Variants in RNF121 observed in about 807,000 individuals in gnomAD.
RNF121 encodes ring finger protein 121.
Under a neutral mutation model 46.5 loss-of-function variants are expected in RNF121, and 21 were observed. The ratio of observed to expected loss-of-function variants is 0.45; its 90% CI spans 0.32 to 0.65. The LOEUF (loss-of-function observed/expected upper bound fraction) is 0.65. RNF121 is among the 30% of genes least tolerant of loss of function. The pLI is 0.04. For missense variants in RNF121, 346 were observed against 416.0 expected (o/e 0.83, Z 1.46); for synonymous variants, 139 against 144.7 (o/e 0.96, Z 0.28).
chr11:71,993,476 T>TTGACTC (rs56168103), intron 6 of RNF121, among the ~76,000 whole-genome samples: 1 of 151,784 alleles, frequency 6.6e-6, no homozygotes, highest in Non-Finnish European at 1.5e-5. Flanking sequence ...ATTTGTCCCT[T>TTGACTC]TGGCTTTTTT....
intron 5 of RNF121, among the ~76,000 whole-genome samples, chr11:71,988,378 C>T (rs546300530): frequency 2.0e-5 from 3 of 152,198 alleles, no homozygotes; most frequent in East Asian, 3.9e-4. Context: ...CCTAAGCCTA[C>T]GACAGTGCAC....
chr11:71,947,054 C>T (rs1304777971), intron 1 of RNF121, among the ~76,000 whole-genome samples: 6 of 151,778 alleles, frequency 4.0e-5, no homozygotes, highest in South Asian at 2.1e-4. Context: ...TAAGTAGAGA[C>T]GGGGTTTCAC....
Position 71,996,266 on chromosome 11 carries a change from T to G in RNF121, c.935T>G (p.Val312Gly). 6.2e-7 allele frequency: 1 copy of G among 1,614,150 alleles called. No individual in the cohort carries two copies. Among genetic ancestry groups the G allele is most frequent in the Non-Finnish European group, 8.5e-7 (1 of 1,180,024 alleles). ...CGATACTTGGTAGCCTGGCAGCCTG[T>G]CATCATTGGTGTAGTCCAAGGCATC... is the stretch of plus-strand genomic sequence containing the variant. ...WLRYLVAWQP[V>G]IIGVVQGINY... Residue 312 changes from valine to glycine, a missense_variant, in exon 9 of 9, where the codon GTC becomes GGC. Physicochemically the swap from Val to Gly is moderately radical, Grantham distance 109. Around this residue, in one of 2 missense-constraint regions of RNF121, gnomAD observed 286 missense variants for 383.8 expected, o/e 0.75. Transcript: ENST00000361756.
At chr11:71,962,812 T>G (rs899896222) in intron 3 of RNF121, among the ~76,000 whole-genome samples, 30 of 152,248 alleles carry the variant, frequency 2.0e-4, no homozygotes, top group African/African-American at 7.0e-4. Context: ...TTCCATTCTG[T>G]CCTAACGTGG....
At chr11:71,988,804 A>G (rs553524510) in intron 5 of RNF121, among the ~76,000 whole-genome samples, 1 of 152,238 alleles carries the variant, frequency 6.6e-6, no homozygotes, top group East Asian at 1.9e-4. Flanking sequence ...CTCAGGTGAC[A>G]AAGGGAGACC....
At position 71,945,832 on chromosome 11, in the gene RNF121, G is replaced by A. The variant is rs575616185; in HGVS notation, c.64-11395G>A. Reference sequence around the variant, plus strand: ...TAACCTAGTAAAAAATGGGCAAAAGGCCAGGCCCAGTAGCTTACACCTGTA... The same window carrying A: ...TAACCTAGTAAAAAATGGGCAAAAGACCAGGCCCAGTAGCTTACACCTGTA... On this transcript the variant is annotated intron_variant, in intron 1 of 8. Coordinates refer to ENST00000361756, the MANE Select transcript of RNF121 (RefSeq NM_018320.5). Among the ~76,000 whole-genome samples the A allele has an allele frequency of 4.6e-5, 7 of 152,232 alleles. No homozygotes were observed. The South Asian group carries it at 1.5e-3, about 32-fold the overall frequency.
chr11:71,933,472 G>C (rs1211566148), intron 1 of RNF121, among the ~76,000 whole-genome samples: 2 of 152,166 alleles, frequency 1.3e-5, no homozygotes, highest in Non-Finnish European at 2.9e-5. Flanking sequence ...GGACTAGATT[G>C]GTGGTTTTTA....
At chr11:71,961,751 A>G (rs941717068) in intron 3 of RNF121, among the ~76,000 whole-genome samples, 1 of 152,048 alleles carries the variant, frequency 6.6e-6, no homozygotes, top group Admixed American at 6.5e-5. Context: ...TCATTTATCG[A>G]TATGCTGTCT....
At chr11:71,986,857 C>A in intron 4 of RNF121, 147 bp from the exon 5 acceptor site, 1 of 603,012 alleles carries the variant, frequency 1.7e-6, no homozygotes, top group Non-Finnish European at 3.0e-6. Flanking sequence ...GAGTGAGCAG[C>A]TTTGGATAGT....
chr11:71,958,046 T>C (rs1224134542), intron 2 of RNF121, among the ~76,000 whole-genome samples: 1 of 152,190 alleles, frequency 6.6e-6, no homozygotes, highest in African/African-American at 2.4e-5. Context: ...TATGAACCAG[T>C]TGTGTACCTC....
chr11:71,931,851 C>CT (rs1354850616), intron 1 of RNF121, among the ~76,000 whole-genome samples: 1 of 152,116 alleles, frequency 6.6e-6, no homozygotes, highest in Non-Finnish European at 1.5e-5. Flanking sequence ...CTGTGTAGCA[C>CT]TTTCTGTTTT....
intron 3 of RNF121, among the ~76,000 whole-genome samples, chr11:71,976,618 A>G (rs988172660): frequency 1.3e-5 from 2 of 152,032 alleles, no homozygotes; most frequent in South Asian, 2.1e-4. Flanking sequence ...TCGGCCTCCC[A>G]AAGTGCTGGG....
chr11:71,950,229 G>A (rs560450942), intron 1 of RNF121, among the ~76,000 whole-genome samples: 1 of 152,210 alleles, frequency 6.6e-6, no homozygotes, highest in Admixed American at 6.5e-5. Context: ...AGCCAGGGTG[G>A]GAGGCCATCC....
rs953228406 is a variant in RNF121 at position 71,946,453 on chromosome 11, C to T, written c.64-10774C>T. Among the ~76,000 whole-genome samples the T allele has an allele frequency of 2.0e-4, 30 of 152,138 alleles. 1 individual carries two copies. Among genetic ancestry groups the T allele is most frequent in the Admixed American group, 1.8e-3 (27 of 15,290 alleles). ...GTGTTGCCCAGGCTGGTCTGTAACT[C>T]CTGACTCACAGGATTTTCCCCTGTC... is the stretch of plus-strand genomic sequence containing the variant. On this transcript the variant is annotated intron_variant, in intron 1 of 8. Transcript: ENST00000361756.
chr11:71,968,169 C>T (rs182533271), intron 3 of RNF121, among the ~76,000 whole-genome samples: 14 of 152,084 alleles, frequency 9.2e-5, no homozygotes, highest in African/African-American at 3.4e-4. Context: ...AAGCGATTCT[C>T]CTGCCTCAGC....
At chr11:71,933,826 CGTT>C (rs1244827967) in intron 1 of RNF121, among the ~76,000 whole-genome samples, 25 of 152,138 alleles carry the variant, frequency 1.6e-4, no homozygotes, top group African/African-American at 4.8e-4. Flanking sequence ...ATTTGATAAT[CGTT>C]GTTTTTGATT....
intron 1 of RNF121, among the ~76,000 whole-genome samples, chr11:71,946,799 G>A (rs1313290523): frequency 6.6e-6 from 1 of 150,728 alleles, no homozygotes; most frequent in African/African-American, 2.4e-5. Context: ...TGCAGCCTCT[G>A]CCTCCCGGGT....
chr11:71,942,809 C>A (rs11602419), intron 1 of RNF121, among the ~76,000 whole-genome samples: 25 of 33,448 alleles, frequency 7.5e-4, no homozygotes, highest in South Asian at 1.7e-3. Context: ...TATGTACACA[C>A]ACACACACAC....
intron 5 of RNF121, among the ~76,000 whole-genome samples, chr11:71,987,860 G>A (rs1259220754): frequency 6.6e-6 from 1 of 152,190 alleles, no homozygotes; most frequent in Non-Finnish European, 1.5e-5. Context: ...GCTTAGGTGT[G>A]AGGGAATGAG....
Sources: gnomAD v4.1 joint callset for allele counts (sites outside exome capture counted in the v4.1 genomes callset) on GRCh38, gnomAD v4.1.1 for gene constraint, gnomAD v4.1.1 regional missense constraint, MANE v1.5 for transcripts, NCBI Gene and HGNC (gene_info 2026-07-23, HGNC 2026-07-21) for gene names.